The following CYTH4 variants were observed in gnomAD, a reference collection of about 807,000 sequenced individuals.
The protein encoded by CYTH4 is cytohesin-4.
CYTH4 carries 22 observed loss-of-function variants against 57.5 expected under a neutral mutation model. The ratio of observed to expected loss-of-function variants is 0.38; its 90% CI spans 0.27 to 0.55. The LOEUF (loss-of-function observed/expected upper bound fraction) is 0.55. Ranked by LOEUF, CYTH4 falls within the 20% of genes least tolerant of loss-of-function variation. The pLI is 0.74. For synonymous variants in CYTH4, 186 were observed against 206.5 expected (o/e 0.90, Z 0.85); for missense variants, 420 against 535.6 (o/e 0.78, Z 2.13).
At chr22:37,308,751 T>C (rs1028312315) in intron 8 of CYTH4, among the ~76,000 whole-genome samples, 2 of 152,094 alleles carry the variant, frequency 1.3e-5, no homozygotes, top group African/African-American at 2.4e-5. Context: ...TGCATGTGTG[T>C]GCATGTATGT....
intron 8 of CYTH4, among the ~76,000 whole-genome samples, chr22:37,304,878 G>A (rs1929340260): frequency 6.6e-6 from 1 of 152,160 alleles, no homozygotes; most frequent in Admixed American, 6.5e-5. Context: ...GGGAGTAACT[G>A]TTTTAAATGT....
At chr22:37,284,853 C>G (rs1043322016) in intron 1 of CYTH4, among the ~76,000 whole-genome samples, 3 of 152,186 alleles carry the variant, frequency 2.0e-5, no homozygotes, top group African/African-American at 4.8e-5. Flanking sequence ...GAGGGCCAGA[C>G]AGCAAAGCCC....
rs774516461 is a variant in CYTH4 at position 37,311,969 on chromosome 22, G to A, written c.958-51G>A. 2.5e-6 allele frequency: 4 copies of A among 1,592,484 alleles called. No individual in the cohort carries two copies. Among genetic ancestry groups the A allele is most frequent in the East Asian group, 4.5e-5 (2 of 44,536 alleles). Reference sequence around the variant, plus strand: ...TGGGCTTCTCTGAGCCTCCTGGAGGGCCCACCCAGCCTCCCTCTCTTCCCA... The same window carrying A: ...TGGGCTTCTCTGAGCCTCCTGGAGGACCCACCCAGCCTCCCTCTCTTCCCA... On this transcript the variant is annotated intron_variant, in intron 11 of 12. Coordinates refer to ENST00000248901, the MANE Select transcript of CYTH4 (RefSeq NM_013385.5). The surrounding 1 kb of genome is among the most constrained non-coding windows in gnomAD (Gnocchi z 4.4).
chr22:37,311,348 G>A lies in CYTH4; in HGVS notation c.886-108G>A. ...CCCCTATGACTGGACAGTCTCGGAA[G>A]ATGAGCACGCTCCTCTTTGAGTTTG... On this transcript the variant is annotated intron_variant, in intron 10 of 12. Transcript: ENST00000248901. The surrounding 1 kb of genome is among the most constrained non-coding windows in gnomAD (Gnocchi z 4.4). 5.0e-6 allele frequency: 5 copies of A among 1,008,610 alleles called. No homozygotes were observed. The South Asian group carries it at 5.3e-5, about 11-fold the overall frequency. 62.5% of individuals were successfully genotyped at this position (1,008,610 alleles called of 1,614,324 possible).
In CYTH4 at chr22:37,296,023, G is replaced by T; in HGVS notation, c.192G>T (p.Glu64Asp). The change falls in exon 4 of 13, where the codon GAG (glutamate) becomes GAT (aspartate). Residue 64 changes from glutamate to aspartate, a missense_variant. Transcript: ENST00000248901. ...GCCGGATGGCCCAGAAGGAGAAGGA[G>T]CTGTGTATTGGGCGCAAGAAGTTCA... The part of the protein sequence containing the change: ...EESRMAQKEK[E>D]LCIGRKKFNM... The T allele has an allele frequency of 6.2e-7, 1 of 1,613,484 alleles. No individual in the cohort carries two copies. The highest frequency in any genetic ancestry group is 8.5e-7 in the Non-Finnish European group (1 of 1,179,676).
Position 37,311,877 on chromosome 22 carries a change from T to A in CYTH4, c.958-143T>A. On this transcript the variant is annotated intron_variant, in intron 11 of 12. Transcript: ENST00000248901. The surrounding 1 kb of genome is among the most constrained non-coding windows in gnomAD (Gnocchi z 4.4). Reference sequence around the variant, plus strand: ...CCTGCCACAGAGAGAGTGCTCAGTGTGGGAGCAGCAGCTCCTGCCCCTTCG... The same window carrying A: ...CCTGCCACAGAGAGAGTGCTCAGTGAGGGAGCAGCAGCTCCTGCCCCTTCG... 1 of 1,054,814 alleles carries A rather than the reference T, an allele frequency of 9.5e-7. No individual in the cohort carries two copies. The highest frequency in any genetic ancestry group is 1.6e-5 in the South Asian group (1 of 61,446). 65.3% of individuals were successfully genotyped at this position (1,054,814 alleles called of 1,614,324 possible). A position where few individuals can be genotyped will look rare whatever the true frequency, so the allele number is the denominator to read the frequency against.
Position 37,295,755 on chromosome 22 carries a change from C to T in CYTH4, c.168-244C>T, listed in dbSNP as rs1190430036. Among the ~76,000 whole-genome samples the T allele has an allele frequency of 2.0e-5, 3 of 152,246 alleles. No homozygotes were observed. The highest frequency in any genetic ancestry group is 4.4e-5 in the Non-Finnish European group (3 of 68,046). ...TCCACCTTCTCCCACACGGCAGCTC[C>T]GGGTTCCTGCAAGCTGCTAAATGCC... On this transcript the variant is annotated intron_variant, in intron 3 of 12. Coordinates refer to ENST00000248901, the MANE Select transcript of CYTH4 (RefSeq NM_013385.5). This position sits in a 1 kb window ranked among gnomAD's most constrained non-coding sequence, Gnocchi z 4.1.
At chr22:37,310,883 A>G (rs776370091) in intron 9 of CYTH4, 105 bp from the exon 10 acceptor site, 587 of 1,241,166 alleles carry the variant, frequency 4.7e-4, no homozygotes, top group Middle Eastern at 1.9e-3. Context: ...TAGGGCACTC[A>G]GCTGGGGGTC....
chr22:37,296,088 G>A (rs1385328810), intron 4 of CYTH4, 23 bp downstream of exon 4: 1 of 1,608,080 alleles, frequency 6.2e-7, no homozygotes, highest in Non-Finnish European at 8.5e-7. Context: ...GGAGGGCCCG[G>A]GCCACAGGGT....
Position 37,311,815 on chromosome 22 carries a change from C to T in CYTH4, c.958-205C>T. 1.4e-6 allele frequency: 1 copy of T among 718,786 alleles called. No homozygotes were observed. Among genetic ancestry groups the T allele is most frequent in the Non-Finnish European group, 2.2e-6 (1 of 444,774 alleles). 44.5% of individuals were successfully genotyped at this position (718,786 alleles called of 1,614,324 possible). ...TCAGAACCTCAGTGAGCCCACATGTCACGTGGGGACTTTAGGGAGGATGGT... is the reference window on the plus strand; with the variant it reads ...TCAGAACCTCAGTGAGCCCACATGTTACGTGGGGACTTTAGGGAGGATGGT... On this transcript the variant is annotated intron_variant, in intron 11 of 12. Transcript: ENST00000248901. The surrounding 1 kb of genome is among the most constrained non-coding windows in gnomAD (Gnocchi z 4.4).
intron 8 of CYTH4, 133 bp downstream of exon 8, chr22:37,303,535 A>C: frequency 7.8e-7 from 1 of 1,285,322 alleles, no homozygotes; most frequent in Non-Finnish European, 1.0e-6. Context: ...TGGCCCACCC[A>C]GGCTGTGACT....
At position 37,313,645 on chromosome 22, in the gene CYTH4, G is replaced by A; in HGVS notation, c.*134G>A. 6 of 809,886 alleles carry A rather than the reference G, an allele frequency of 7.4e-6. No homozygotes were observed. Among genetic ancestry groups the A allele is most frequent in the Non-Finnish European group, 1.2e-5 (6 of 495,780 alleles). The allele number at this position is 809,886 out of a possible 1,614,324, so 50.2% of individuals were successfully genotyped here. A position where few individuals can be genotyped will look rare whatever the true frequency, so the allele number is the denominator to read the frequency against. ...TTGCTGTTCCCCGTTACCTCGAGCT[G>A]ACTCTAGAGGGGAAGGCAGAGCTCA... On this transcript the variant is annotated 3_prime_UTR_variant, in exon 13 of 13. Transcript: ENST00000248901.
chr22:37,285,659 C>T (rs1462465127), intron 1 of CYTH4, among the ~76,000 whole-genome samples: 2 of 151,968 alleles, frequency 1.3e-5, no homozygotes, highest in Admixed American at 6.6e-5. Context: ...TGCAGTGAGC[C>T]GAGATCAGGC....
At position 37,294,744 on chromosome 22, in the gene CYTH4, A is replaced by T. The variant is rs771678639; in HGVS notation, c.167+20A>T. On this transcript the variant is annotated intron_variant, in intron 3 of 12. Coordinates refer to ENST00000248901, the MANE Select transcript of CYTH4 (RefSeq NM_013385.5). The stretch of plus-strand genomic sequence containing the variant: ...GGAGAGGTGAGGGGCTTGGGTGGGG[A>T]CCCCCAGAAACTGCCATGGTTGCTT... 6.2e-7 allele frequency: 1 copy of T among 1,613,418 alleles called. No individual in the cohort carries two copies. Among genetic ancestry groups the T allele is most frequent in the Non-Finnish European group, 8.5e-7 (1 of 1,179,594 alleles).
intron 6 of CYTH4, 124 bp downstream of exon 6, chr22:37,299,430 G>A: frequency 1.2e-6 from 1 of 868,226 alleles, no homozygotes; most frequent in Non-Finnish European, 1.9e-6. Flanking sequence ...AGGAGGCAAG[G>A]AACAAGAATG....
chr22:37,309,985 G>T (rs1432545731), intron 9 of CYTH4: 3 of 468,928 alleles, frequency 6.4e-6, no homozygotes, highest in Admixed American at 2.4e-5. Flanking sequence ...ACTTCCGGAA[G>T]CCTCTCCAGC....
intron 1 of CYTH4, among the ~76,000 whole-genome samples, chr22:37,286,780 G>A (rs1569104505): frequency 6.6e-6 from 1 of 152,140 alleles, no homozygotes; most frequent in Non-Finnish European, 1.5e-5. Context: ...AGTGTGAGAG[G>A]AGCATGGAGG....
intron 8 of CYTH4, among the ~76,000 whole-genome samples, chr22:37,304,624 G>T (rs1300733171): frequency 6.6e-6 from 1 of 152,184 alleles, no homozygotes; most frequent in East Asian, 1.9e-4. Context: ...GATCTGGAAT[G>T]ATTCTGGTGC....
At position 37,311,852 on chromosome 22, in the gene CYTH4, C is replaced by G. The variant is rs1929654296; in HGVS notation, c.958-168C>G. The G allele has an allele frequency of 3.5e-6, 3 of 857,874 alleles. No homozygotes were observed. Among genetic ancestry groups the G allele is most frequent in the Admixed American group, 3.1e-5 (1 of 32,262 alleles). The allele number at this position is 857,874 out of a possible 1,614,324, so 53.1% of individuals were successfully genotyped here. ...TTAGGGAGGATGGTGGATTCAGGAG[C>G]CTGCCACAGAGAGAGTGCTCAGTGT... On this transcript the variant is annotated intron_variant, in intron 11 of 12. Coordinates refer to ENST00000248901, the MANE Select transcript of CYTH4 (RefSeq NM_013385.5). This position sits in a 1 kb window ranked among gnomAD's most constrained non-coding sequence, Gnocchi z 4.4.
Sources: gnomAD v4.1 joint callset for allele counts (sites outside exome capture counted in the v4.1 genomes callset) on GRCh38, gnomAD v4.1.1 for gene constraint, Gnocchi (gnomAD v3.1) non-coding constraint, MANE v1.5 for transcripts, NCBI Gene and HGNC (gene_info 2026-07-23, HGNC 2026-07-21) for gene names.